Variants in AUTS2 observed in about 807,000 individuals in gnomAD.
AUTS2 encodes the protein autism susceptibility gene 2 protein.
In AUTS2, 17 loss-of-function variants were observed where a neutral mutation model predicts 112.4. That is an observed-to-expected ratio of 0.15 (90% confidence interval 0.10 to 0.23). The LOEUF is 0.23. Ranked by LOEUF, AUTS2 falls within the 10% of genes least tolerant of loss-of-function variation. The pLI is 1.00. For synonymous variants in AUTS2, 751 were observed against 702.7 expected, an observed-to-expected ratio of 1.07 and a Z score of -1.09; for missense variants, 1,510 against 1,701.6, an observed-to-expected ratio of 0.89 and a Z score of 1.98.
intron 4 of AUTS2, among the ~76,000 whole-genome samples, chr7:70,220,586 C>T (rs1052750019): frequency 3.3e-5 from 5 of 152,186 alleles, no homozygotes; most frequent in African/African-American, 1.2e-4. Context: ...AGGGAAGTCA[C>T]TTCAGCTGAT....
chr7:70,755,137 T>C (rs4718995), intron 6 of AUTS2, among the ~76,000 whole-genome samples: 86,135 of 152,096 alleles, frequency 0.57, 26,646 homozygotes, highest in African/African-American at 0.82. Flanking sequence ...TGCACCATGT[T>C]CTGATGTGTG....
At chr7:70,090,009 C>CAAATAAACAAAT (rs1554307469) in intron 2 of AUTS2, among the ~76,000 whole-genome samples, 7 of 144,360 alleles carry the variant, frequency 4.8e-5, no homozygotes, top group Admixed American at 1.4e-4. Flanking sequence ...TGTTTCAAAA[C>CAAATAAACAAAT]AAATAAATAA....
chr7:69,990,523 G>T (rs926803907), intron 2 of AUTS2, among the ~76,000 whole-genome samples: 1 of 152,176 alleles, frequency 6.6e-6, no homozygotes, highest in African/African-American at 2.4e-5. Flanking sequence ...GTGCGTGTGT[G>T]TTTGTGTGTG....
chr7:70,652,882 C>G (rs1159397677), intron 5 of AUTS2, among the ~76,000 whole-genome samples: 1 of 152,108 alleles, frequency 6.6e-6, no homozygotes. Flanking sequence ...TATCCAGATT[C>G]TTTTTTGTAA....
intron 4 of AUTS2, among the ~76,000 whole-genome samples, chr7:70,212,925 A>T (rs183791291): frequency 2.6e-5 from 4 of 152,306 alleles, no homozygotes; most frequent in Admixed American, 2.6e-4. Context: ...ATACAGTCAG[A>T]TAGAAGAAAT....
intron 5 of AUTS2, among the ~76,000 whole-genome samples, chr7:70,512,729 C>T (rs570350222): frequency 5.0e-4 from 76 of 152,074 alleles, no homozygotes; most frequent in African/African-American, 9.6e-4. Flanking sequence ...AGTTTTGCAG[C>T]TTTGTGAAGC....
At chr7:70,041,933 A>C (rs1449356572) in intron 2 of AUTS2, among the ~76,000 whole-genome samples, 2 of 152,134 alleles carry the variant, frequency 1.3e-5, no homozygotes, top group East Asian at 3.9e-4. Context: ...ATTTTATTGG[A>C]TTCTCCAAAT....
At chr7:70,003,261 A>ATATATGAATATATTATATATGAATATATT (rs1563029433) in intron 2 of AUTS2, among the ~76,000 whole-genome samples, 2 of 119,976 alleles carry the variant, frequency 1.7e-5, no homozygotes, top group South Asian at 2.3e-4. Flanking sequence ...ATGAATATAT[A>ATATATGAATATATTATATATGAATATATT]ATATATTATA....
At chr7:70,499,692 C>G (rs1388317904) in intron 5 of AUTS2, among the ~76,000 whole-genome samples, 6 of 152,156 alleles carry the variant, frequency 3.9e-5, no homozygotes, top group African/African-American at 9.7e-5. Context: ...AACCATTGCT[C>G]TCACCAGTGG....
chr7:69,843,588 T>C (rs981422218), intron 1 of AUTS2, among the ~76,000 whole-genome samples: 1 of 152,150 alleles, frequency 6.6e-6, no homozygotes, highest in African/African-American at 2.4e-5. Context: ...AAGGAATGCA[T>C]GGGGATGATA....
chr7:69,825,024 A>C (rs1791178096), intron 1 of AUTS2, among the ~76,000 whole-genome samples: 1 of 152,208 alleles, frequency 6.6e-6, no homozygotes, highest in African/African-American at 2.4e-5. Flanking sequence ...AAAATCAAGA[A>C]ACATTTTTGC....
intron 4 of AUTS2, chr7:70,293,022 T>C (rs1051520182): frequency 6.6e-6 from 1 of 152,192 alleles, no homozygotes; most frequent in Admixed American, 6.5e-5. Flanking sequence ...CTCATTCTTA[T>C]CCTTCAGGAC....
At chr7:69,820,965 A>G (rs1050920396) in intron 1 of AUTS2, among the ~76,000 whole-genome samples, 3 of 152,210 alleles carry the variant, frequency 2.0e-5, no homozygotes, top group Non-Finnish European at 4.4e-5. Flanking sequence ...GGTGCAATTA[A>G]TTGGGGCCAG....
At chr7:70,739,979 A>G (rs1788011163) in intron 6 of AUTS2, among the ~76,000 whole-genome samples, 1 of 151,920 alleles carries the variant, frequency 6.6e-6, no homozygotes, top group African/African-American at 2.4e-5. Context: ...CCCCTCATCC[A>G]CTACCAAGGA....
At chr7:69,854,870 G>T (rs1792648343) in intron 1 of AUTS2, among the ~76,000 whole-genome samples, 1 of 152,142 alleles carries the variant, frequency 6.6e-6, no homozygotes, top group Non-Finnish European at 1.5e-5. Flanking sequence ...CAAGTCATCT[G>T]TAAGATTTCA....
At chr7:69,720,399 C>T (rs1798864716) in intron 1 of AUTS2, among the ~76,000 whole-genome samples, 1 of 152,158 alleles carries the variant, frequency 6.6e-6, no homozygotes, top group Non-Finnish European at 1.5e-5. Context: ...AAGAAGATCT[C>T]ATTGTACAGG....
chr7:69,730,339 G>C (rs1786737628), intron 1 of AUTS2, among the ~76,000 whole-genome samples: 1 of 152,044 alleles, frequency 6.6e-6, no homozygotes, highest in African/African-American at 2.4e-5. Flanking sequence ...GTTGCCTTAA[G>C]ATGAACAAAC....
chr7:70,063,042 TGA>T (rs1802325078), intron 2 of AUTS2, among the ~76,000 whole-genome samples: 2 of 152,314 alleles, frequency 1.3e-5, no homozygotes, highest in East Asian at 3.9e-4. Flanking sequence ...TGTTTGTGTA[TGA>T]GAGTCTTTCT....
At chr7:70,733,730 G>A (rs2129553071) in intron 6 of AUTS2, among the ~76,000 whole-genome samples, 1 of 152,092 alleles carries the variant, frequency 6.6e-6, no homozygotes, top group Non-Finnish European at 1.5e-5. Context: ...GGAACTACAG[G>A]CGCCCGCCAC....
Sources: gnomAD v4.1 joint callset for allele counts (sites outside exome capture counted in the v4.1 genomes callset) on GRCh38, gnomAD v4.1.1 for gene constraint, MANE v1.5 for transcripts, NCBI Gene and HGNC (gene_info 2026-07-23, HGNC 2026-07-21) for gene names.